SPATA6: variants seen among roughly 807,000 people sequenced by gnomAD.
SPATA6 encodes spermatogenesis-associated protein 6.
In SPATA6, 56 loss-of-function variants were observed where a neutral mutation model predicts 65.3. The observed-to-expected ratio is 0.86, with a 90% CI of 0.69 to 1.07. The LOEUF is 1.07. Among genes scored for constraint, SPATA6 ranks in the 50% least tolerant of loss-of-function variants. SPATA6 has a pLI of 0.00. For missense variants in SPATA6, 590 were observed against 594.8 expected (o/e 0.99, Z 0.08); for synonymous variants, 199 against 213.2 (o/e 0.93, Z 0.58).
At chr1:48,357,507 C>G (rs1291748450) in intron 10 of SPATA6, among the ~76,000 whole-genome samples, 1 of 152,052 alleles carries the variant, frequency 6.6e-6, no homozygotes, top group Non-Finnish European at 1.5e-5. Flanking sequence ...TACTTAATTT[C>G]AATAAATATT....
chr1:48,326,641 A>G (rs1298996389), intron 11 of SPATA6, among the ~76,000 whole-genome samples: 1 of 152,194 alleles, frequency 6.6e-6, no homozygotes, highest in Admixed American at 6.5e-5. Context: ...TAACTAAAAC[A>G]GCATGGTACT....
At chr1:48,288,187 T>C in the SPATA6 span, among the ~76,000 whole-genome samples, 15 of 152,300 alleles carry the variant, frequency 9.8e-5, no homozygotes, top group East Asian at 1.5e-3. Flanking sequence ...TAATGTGCCA[T>C]TGAATTATTT....
At chr1:48,325,242 C>A in intron 11 of SPATA6, 2 of 778,472 alleles carry the variant, frequency 2.6e-6, no homozygotes, top group Non-Finnish European at 4.3e-6. Context: ...ACAACAGGGG[C>A]AAGGTTTGGA....
chr1:48,388,090 G>C (rs1649670338), intron 8 of SPATA6, among the ~76,000 whole-genome samples: 1 of 152,102 alleles, frequency 6.6e-6, no homozygotes, highest in African/African-American at 2.4e-5. Flanking sequence ...CCAAGGACAG[G>C]CATGGTCAGC....
chr1:48,386,513 T>C (rs775305162), intron 8 of SPATA6, among the ~76,000 whole-genome samples: 3 of 152,050 alleles, frequency 2.0e-5, no homozygotes, highest in East Asian at 1.9e-4. Context: ...GATCAGCCAA[T>C]AGAGAATACT....
intron 8 of SPATA6, among the ~76,000 whole-genome samples, chr1:48,388,874 AATTTTT>A (rs765941008): frequency 1.3e-5 from 2 of 151,790 alleles, no homozygotes; most frequent in Non-Finnish European, 2.9e-5. Context: ...ACACCCACCT[AATTTTT>A]ATTTTTATTT....
At chr1:48,367,050 T>C (rs570983693) in intron 9 of SPATA6, among the ~76,000 whole-genome samples, 92 of 152,360 alleles carry the variant, frequency 6.0e-4, no homozygotes, top group African/African-American at 2.0e-3. Context: ...CATTTCATTA[T>C]GTACTCAGTA....
intron 3 of SPATA6, among the ~76,000 whole-genome samples, chr1:48,426,869 T>C (rs1653883456): frequency 1.3e-5 from 2 of 150,414 alleles, no homozygotes; most frequent in South Asian, 4.2e-4. Flanking sequence ...TAGAAAAACA[T>C]AGATGTAAGA....
chr1:48,338,254 G>GTCATAA (rs1473373703), intron 11 of SPATA6, among the ~76,000 whole-genome samples: 6 of 151,930 alleles, frequency 3.9e-5, no homozygotes, highest in African/African-American at 1.4e-4. Flanking sequence ...AAGATGCTAG[G>GTCATAA]TCATAATCAT....
intron 7 of SPATA6, among the ~76,000 whole-genome samples, chr1:48,398,412 A>T (rs1650810477): frequency 6.6e-6 from 1 of 151,746 alleles, no homozygotes; most frequent in Non-Finnish European, 1.5e-5. Flanking sequence ...GTGTATGTTC[A>T]AAAAGTTATT....
chr1:48,339,293 T>C (rs1646143669), intron 11 of SPATA6, among the ~76,000 whole-genome samples: 1 of 152,026 alleles, frequency 6.6e-6, no homozygotes, highest in African/African-American at 2.4e-5. Flanking sequence ...CCTGGTTCAG[T>C]CCCTTTTGGA....
the SPATA6 span, among the ~76,000 whole-genome samples, chr1:48,289,256 A>G: frequency 1.3e-5 from 2 of 152,210 alleles, no homozygotes; most frequent in Non-Finnish European, 2.9e-5. Flanking sequence ...ACCTCCAGCA[A>G]ACTCCAACAG....
At chr1:48,277,099 C>CTTTTTTTTTTT in the SPATA6 span, among the ~76,000 whole-genome samples, 4 of 126,430 alleles carry the variant, frequency 3.2e-5, no homozygotes, top group East Asian at 2.3e-4. Context: ...TTGTTTTTTG[C>CTTTTTTTTTTT]TTTTTTTTTT....
intron 3 of SPATA6, among the ~76,000 whole-genome samples, chr1:48,442,705 A>G (rs1341712095): frequency 7.9e-6 from 1 of 127,082 alleles, no homozygotes; most frequent in Non-Finnish European, 1.6e-5. Context: ...AGAGAAAGAG[A>G]GATGGAAGTA....
At chr1:48,448,515 T>C (rs1297160452) in intron 3 of SPATA6, among the ~76,000 whole-genome samples, 1 of 150,246 alleles carries the variant, frequency 6.7e-6, no homozygotes, top group Non-Finnish European at 1.5e-5. Flanking sequence ...AAAGACGTTC[T>C]CCATCCCCAT....
At chr1:48,463,631 T>C (rs564370314) in intron 1 of SPATA6, among the ~76,000 whole-genome samples, 11 of 152,044 alleles carry the variant, frequency 7.2e-5, no homozygotes, top group Non-Finnish European at 1.2e-4. Context: ...AGGATACCGA[T>C]TGGCCAAAAA....
chr1:48,437,942 G>C (rs1655095064), intron 3 of SPATA6, among the ~76,000 whole-genome samples: 1 of 150,422 alleles, frequency 6.6e-6, no homozygotes, highest in South Asian at 2.1e-4. Flanking sequence ...TCTAGCTAAA[G>C]GTTTGTAAAC....
downstream of SPATA6, among the ~76,000 whole-genome samples, chr1:48,291,113 C>G (rs1004358080): frequency 6.6e-6 from 1 of 152,204 alleles, no homozygotes; most frequent in African/African-American, 2.4e-5. Context: ...CACTCCTCAG[C>G]AAATGTTAAA....
At chr1:48,362,528 T>C (rs982172492) in intron 9 of SPATA6, among the ~76,000 whole-genome samples, 6 of 152,164 alleles carry the variant, frequency 3.9e-5, no homozygotes, top group Admixed American at 3.3e-4. Context: ...CTCTTGAACA[T>C]CTTAGCTCAC....
Sources: gnomAD v4.1 joint callset for allele counts (sites outside exome capture counted in the v4.1 genomes callset) on GRCh38, gnomAD v4.1.1 for gene constraint, MANE v1.5 for transcripts, NCBI Gene and HGNC (gene_info 2026-07-23, HGNC 2026-07-21) for gene names.